The following CFHR3 variants were observed in gnomAD, a reference collection of about 807,000 sequenced individuals.
CFHR3 encodes complement factor H related 3, also known as complement factor H-related protein 3.
CFHR3 carries 22 observed loss-of-function variants against 36.0 expected under a neutral mutation model. The ratio of observed to expected loss-of-function variants is 0.61; its 90% CI spans 0.44 to 0.87. The LOEUF is 0.87. CFHR3 is among the 40% of genes least tolerant of loss of function. The pLI is 0.00. For missense variants in CFHR3, 276 were observed against 401.3 expected (o/e 0.69, Z 2.67); for synonymous variants, 97 against 137.4 (o/e 0.71, Z 2.06).
intron 5 of CFHR3, among the ~76,000 whole-genome samples, chr1:196,792,155 T>C (rs534797243): frequency 8.1e-6 from 1 of 123,024 alleles, no homozygotes; most frequent in Admixed American, 7.9e-5. Context: ...TATTTTTGAA[T>C]TGTAAACAGC....
At position 196,783,850 on chromosome 1, in the gene CFHR3, G is replaced by T. The variant is rs2124850586; in HGVS notation, c.430+3877G>T. 1.5e-5 allele frequency among the ~76,000 whole-genome samples: 2 copies of T among 135,398 alleles called. 1 individual carries two copies. The highest frequency in any genetic ancestry group is 6.2e-5 in the African/African-American group (2 of 32,060). The allele number at this position is 135,398 out of a possible 152,430, so 88.8% of individuals were successfully genotyped here. The stretch of plus-strand genomic sequence containing the variant: ...TTATTTCTTGCCTTCTGCTAGCTTT[G>T]AATGTGTTTGCTCTTGCTTTTCTAG... On this transcript the variant is annotated intron_variant, in intron 3 of 5. Coordinates refer to ENST00000367425, the MANE Select transcript of CFHR3 (RefSeq NM_021023.6).
intron 1 of CFHR3, among the ~76,000 whole-genome samples, chr1:196,777,188 C>T (rs1216403539): frequency 6.6e-5 from 9 of 136,422 alleles, no homozygotes; most frequent in African/African-American, 1.5e-4. Flanking sequence ...TTATAATGTT[C>T]ATTGAATTTG....
intron 5 of CFHR3, among the ~76,000 whole-genome samples, chr1:196,792,942 C>T (rs1173094970): frequency 1.5e-5 from 2 of 135,794 alleles, no homozygotes; most frequent in Middle Eastern, 7.9e-3. Flanking sequence ...CTTGTAGTCA[C>T]GGCTTGTCGA....
intron 4 of CFHR3, chr1:196,788,813 A>G: frequency 6.9e-7 from 1 of 1,457,770 alleles, no homozygotes; most frequent in East Asian, 2.5e-5. Flanking sequence ...TGAGTGCTTA[A>G]TTCTGAATTT....
Position 196,789,142 on chromosome 1 carries a change from G to T in CFHR3, c.613+744G>T, listed in dbSNP as rs1180843008. 7.1e-6 allele frequency: 7 copies of T among 987,536 alleles called. 1 individual carries two copies. The African/African-American group carries it at 1.6e-4, about 22-fold the overall frequency. The allele number at this position is 987,536 out of a possible 1,614,324, so 61.2% of individuals were successfully genotyped here. On this transcript the variant is annotated intron_variant, in intron 4 of 5. Coordinates refer to ENST00000367425, the MANE Select transcript of CFHR3 (RefSeq NM_021023.6). ...TCACAAAGAGTTTTAAAGATAAATT[G>T]CTGAATGTATTTTTAACCCAAATAC... is the stretch of plus-strand genomic sequence containing the variant.
intron 4 of CFHR3, chr1:196,789,195 C>A: frequency 2.2e-6 from 2 of 913,608 alleles, no homozygotes; most frequent in South Asian, 4.7e-5. Flanking sequence ...ACTCCCAAAT[C>A]CACTTCATTT....
rs1157965681 is a variant in CFHR3, at chr1:196,775,386, A to C, written c.58+442A>C. On this transcript the variant is annotated intron_variant, in intron 1 of 5. Coordinates refer to ENST00000367425, the MANE Select transcript of CFHR3 (RefSeq NM_021023.6). ...TATATATCAAAAAATCAAATAATAC[A>C]TTTTAAATTATGCAGTTTCTTATAT... 3.6e-5 allele frequency among the ~76,000 whole-genome samples: 5 copies of C among 137,048 alleles called. No homozygotes were observed. The East Asian group carries it at 9.7e-4, about 27-fold the overall frequency. 89.9% of individuals were successfully genotyped at this position (137,048 alleles called of 152,430 possible).
intron 2 of CFHR3, 95 bp from the exon 3 acceptor site, chr1:196,779,701 TC>T: frequency 7.3e-7 from 1 of 1,367,214 alleles, no homozygotes; most frequent in Non-Finnish European, 9.7e-7. Context: ...GTTTATGCGA[TC>T]TTATTTAAAT....
chr1:196,784,755 C>A (rs1654118813), intron 3 of CFHR3, among the ~76,000 whole-genome samples: 1 of 135,588 alleles, frequency 7.4e-6, no homozygotes, highest in Non-Finnish European at 1.6e-5. Flanking sequence ...GACTCTTTAT[C>A]CAATTTGCCA....
At chr1:196,783,482 C>T (rs1654051581) in intron 3 of CFHR3, among the ~76,000 whole-genome samples, 2 of 131,512 alleles carry the variant, frequency 1.5e-5, no homozygotes, top group South Asian at 5.4e-4. Flanking sequence ...AATTTCAGAG[C>T]CTGTTATTGG....
intron 3 of CFHR3, among the ~76,000 whole-genome samples, chr1:196,787,521 A>T (rs1654257032): frequency 7.3e-6 from 1 of 137,654 alleles, no homozygotes; most frequent in Non-Finnish European, 1.5e-5. Flanking sequence ...TACATTACTA[A>T]TATCTTAAAA....
chr1:196,790,816 GA>G (rs1361760044), intron 5 of CFHR3, among the ~76,000 whole-genome samples: 1 of 132,100 alleles, frequency 7.6e-6, no homozygotes, highest in Non-Finnish European at 1.6e-5. Context: ...AAGAGAAAAA[GA>G]AAAAACCAAG....
rs1171560536 is a variant in CFHR3 at position 196,785,709 on chromosome 1, A to AT, written c.431-2500dup. 5.2e-5 allele frequency among the ~76,000 whole-genome samples: 7 copies of AT among 135,632 alleles called. 1 individual carries two copies. The highest frequency in any genetic ancestry group is 1.6e-4 in the African/African-American group (5 of 32,204). 89.0% of individuals were successfully genotyped at this position (135,632 alleles called of 152,430 possible). A position where few individuals can be genotyped will look rare whatever the true frequency, so the allele number is the denominator to read the frequency against. ...TTATTCTACTTATACATTTGTCTAA[A>AT]TTTTTTTCAAATTTTTAACTTCTTT... On this transcript the variant is annotated intron_variant, in intron 3 of 5. Coordinates refer to ENST00000367425, the MANE Select transcript of CFHR3 (RefSeq NM_021023.6).
rs1289356837 is a variant in CFHR3 at position 196,789,767 on chromosome 1, T to G, written c.614-278T>G. On this transcript the variant is annotated intron_variant, in intron 4 of 5. Coordinates refer to ENST00000367425, the MANE Select transcript of CFHR3 (RefSeq NM_021023.6). Reference sequence around the variant, plus strand: ...TTTCCCAACATGTTATAGTAAGTATTTTATTCAAGTATTTTTTATTAGAAT... The same window carrying G: ...TTTCCCAACATGTTATAGTAAGTATGTTATTCAAGTATTTTTTATTAGAAT... The G allele has an allele frequency of 9.6e-6, 13 of 1,353,318 alleles. 3 individuals carry two copies. Among genetic ancestry groups the G allele is most frequent in the Non-Finnish European group, 1.3e-5 (13 of 1,031,688 alleles). The allele number at this position is 1,353,318 out of a possible 1,614,324, so 83.8% of individuals were successfully genotyped here. A position where few individuals can be genotyped will look rare whatever the true frequency, so the allele number is the denominator to read the frequency against.
Position 196,774,867 on chromosome 1 carries a change from T to A in CFHR3, c.-20T>A, listed in dbSNP as rs1487180869. On this transcript the variant is annotated 5_prime_UTR_variant, in exon 1 of 6. Transcript: ENST00000367425. The stretch of plus-strand genomic sequence containing the variant: ...TGCAACTGAAACTTTTGTATTAGCA[T>A]ACTACTGAGAATATCTAACATGTTG... The A allele has an allele frequency of 1.3e-6, 2 of 1,510,494 alleles. No homozygotes were observed. The highest frequency in any genetic ancestry group is 4.5e-5 in the East Asian group (2 of 44,468). 93.6% of individuals were successfully genotyped at this position (1,510,494 alleles called of 1,614,324 possible).
rs1246943029 is a variant in CFHR3, at chr1:196,788,186, T to A, written c.431-30T>A. On this transcript the variant is annotated intron_variant, in intron 3 of 5. Transcript: ENST00000367425. ...TATAAAAGAACTATTCAACTAATAT[T>A]TACTTTTTTCTTGACTTTTTCTATT... The A allele has an allele frequency of 9.8e-6, 14 of 1,426,442 alleles. 1 individual carries two copies. The highest frequency in any genetic ancestry group is 1.2e-5 in the Non-Finnish European group (13 of 1,062,760). 88.4% of individuals were successfully genotyped at this position (1,426,442 alleles called of 1,614,324 possible).
At chr1:196,780,334 C>T (rs1653894985) in intron 3 of CFHR3, among the ~76,000 whole-genome samples, 1 of 137,108 alleles carries the variant, frequency 7.3e-6, no homozygotes, top group Non-Finnish European at 1.5e-5. Flanking sequence ...GGATCTTGTA[C>T]ATATTCTACT....
At position 196,788,782 on chromosome 1, in the gene CFHR3, T is replaced by G. The variant is rs61737521; in HGVS notation, c.613+384T>G. Reference sequence around the variant, plus strand: ...CATTCCGTGCTCACGCTCAGAAAAGTTGTACATGTCGGGGGAGAAATGAGT... The same window carrying G: ...CATTCCGTGCTCACGCTCAGAAAAGGTGTACATGTCGGGGGAGAAATGAGT... On this transcript the variant is annotated intron_variant, in intron 4 of 5. Coordinates refer to ENST00000367425, the MANE Select transcript of CFHR3 (RefSeq NM_021023.6). The G allele has an allele frequency of 3.7e-5, 54 of 1,456,540 alleles. 10 individuals are homozygous for G. The South Asian group carries it at 7.0e-4, about 19-fold the overall frequency. 90.2% of individuals were successfully genotyped at this position (1,456,540 alleles called of 1,614,324 possible). A position where few individuals can be genotyped will look rare whatever the true frequency, so the allele number is the denominator to read the frequency against.
At position 196,779,258 on chromosome 1, in the gene CFHR3, C is replaced by G; in HGVS notation, c.155C>G (p.Ser52Cys). The G allele has an allele frequency of 1.3e-6, 2 of 1,525,468 alleles. No homozygotes were observed. Among genetic ancestry groups the G allele is most frequent in the Non-Finnish European group, 1.8e-6 (2 of 1,126,448 alleles). The allele number at this position is 1,525,468 out of a possible 1,614,324, so 94.5% of individuals were successfully genotyped here. A position where few individuals can be genotyped will look rare whatever the true frequency, so the allele number is the denominator to read the frequency against. ...CCAGTAGCTGTAGGAAAATATTACT[C>G]CTATTACTGTGATGAACATTTTGAG... ...YFPVAVGKYY[S>C]YYCDEHFETP... Residue 52 changes from serine (S) to cysteine (C), a missense_variant, in exon 2 of 6, where the codon TCC (serine) becomes TGC (cysteine). By Grantham distance (112) the Ser-to-Cys change is moderately radical. Around this residue, in one of 3 missense-constraint regions of CFHR3, gnomAD observed 178 missense variants for 247.2 expected, o/e 0.72. Transcript: ENST00000367425.
Sources: allele counts gnomAD v4.1 joint callset (sites outside exome capture counted in the v4.1 genomes callset), GRCh38; gene constraint gnomAD v4.1.1; regional missense constraint gnomAD v4.1.1; transcripts MANE v1.5; gene names NCBI Gene and HGNC (gene_info 2026-07-23, HGNC 2026-07-21).